The following UMAD1 variants were observed in gnomAD, a reference collection of about 807,000 sequenced individuals.
UMAD1 encodes UBAP1-MVB12-associated (UMA) domain containing 1.
In UMAD1, 8 loss-of-function variants were observed where a neutral mutation model predicts 6.1. The observed-to-expected ratio is 1.30, with a 90% CI of 0.76 to 2.35. The LOEUF (loss-of-function observed/expected upper bound fraction) is 2.35. UMAD1 is among the 30% of genes most tolerant of loss of function. The probability of loss-of-function intolerance (pLI) is 0.00; values close to 1 mark genes in which losing one functional copy is unlikely to be tolerated. For synonymous variants in UMAD1, 56 were observed against 31.4 expected, an observed-to-expected ratio of 1.78 and a Z score of -2.61; for missense variants, 130 against 78.4, an observed-to-expected ratio of 1.66 and a Z score of -2.49.
At chr7:7,862,230 A>G (rs1784129924) in intron 3 of UMAD1, among the ~76,000 whole-genome samples, 1 of 152,102 alleles carries the variant, frequency 6.6e-6, no homozygotes, top group African/African-American at 2.4e-5. Context: ...TTAGTATAAT[A>G]TATTTATATT....
chr7:7,669,457 T>G (rs980914157), intron 1 of UMAD1, among the ~76,000 whole-genome samples: 2 of 152,212 alleles, frequency 1.3e-5, no homozygotes, highest in Non-Finnish European at 2.9e-5. Context: ...CACTGTGTGT[T>G]TTTGAGTGAT....
chr7:7,678,489 TAA>T (rs1779808031), intron 2 of UMAD1, among the ~76,000 whole-genome samples: 1 of 140,968 alleles, frequency 7.1e-6, no homozygotes, highest in African/African-American at 2.6e-5. Flanking sequence ...AATTTATAGA[TAA>T]TATATATTTA....
intron 3 of UMAD1, among the ~76,000 whole-genome samples, chr7:7,865,024 A>G (rs1006410155): frequency 6.6e-5 from 10 of 151,766 alleles, no homozygotes; most frequent in Non-Finnish European, 1.2e-4. Context: ...GGAGCCCCAA[A>G]CTCCTTCCCC....
intron 1 of UMAD1, among the ~76,000 whole-genome samples, chr7:7,644,507 G>C (rs909962531): frequency 6.6e-6 from 1 of 152,026 alleles, no homozygotes; most frequent in African/African-American, 2.4e-5. Flanking sequence ...AAAATGTTTA[G>C]AGTTTTGCCT....
intron 2 of UMAD1, among the ~76,000 whole-genome samples, chr7:7,720,375 C>T (rs1230088151): frequency 6.6e-6 from 1 of 152,112 alleles, no homozygotes; most frequent in Non-Finnish European, 1.5e-5. Context: ...GCCTCTTCCC[C>T]ATCACTTCTG....
At chr7:7,738,797 G>A (rs964908472) in intron 2 of UMAD1, 4 of 152,276 alleles carry the variant, frequency 2.6e-5, no homozygotes, top group Non-Finnish European at 4.4e-5. Flanking sequence ...TAAAGTGCCA[G>A]TGTTTCTTTT....
chr7:7,824,339 C>A (rs1193482799), intron 3 of UMAD1, among the ~76,000 whole-genome samples: 1 of 152,168 alleles, frequency 6.6e-6, no homozygotes, highest in Non-Finnish European at 1.5e-5. Flanking sequence ...ATTCCCCCTT[C>A]TTTTACTTCT....
At chr7:7,806,380 C>A (rs1403361257) in intron 3 of UMAD1, among the ~76,000 whole-genome samples, 5 of 152,082 alleles carry the variant, frequency 3.3e-5, no homozygotes, top group Non-Finnish European at 7.3e-5. Flanking sequence ...ACCCCAATGT[C>A]CTCTTAATGC....
intron 2 of UMAD1, among the ~76,000 whole-genome samples, chr7:7,737,024 G>C (rs1397773345): frequency 6.6e-6 from 1 of 152,266 alleles, no homozygotes; most frequent in Non-Finnish European, 1.5e-5. Flanking sequence ...TGCTCTGAGA[G>C]GGGTTTTCCT....
At chr7:7,873,411 G>A (rs749333644) in intron 3 of UMAD1, among the ~76,000 whole-genome samples, 4 of 152,140 alleles carry the variant, frequency 2.6e-5, no homozygotes, top group Admixed American at 6.5e-5. Flanking sequence ...TAGAATGGTG[G>A]TGTCATTACT....
At chr7:7,732,446 T>A (rs1016382177) in intron 2 of UMAD1, among the ~76,000 whole-genome samples, 1 of 152,192 alleles carries the variant, frequency 6.6e-6, no homozygotes, top group African/African-American at 2.4e-5. Context: ...TGGGGTGTTT[T>A]AAAAATTTCC....
intron 3 of UMAD1, among the ~76,000 whole-genome samples, chr7:7,854,922 C>T (rs1783987615): frequency 6.6e-6 from 1 of 152,178 alleles, no homozygotes. Flanking sequence ...ATACTTGTCC[C>T]ACATGGGAGA....
At chr7:7,784,802 C>T (rs1398315912) in intron 2 of UMAD1, among the ~76,000 whole-genome samples, 3 of 143,046 alleles carry the variant, frequency 2.1e-5, no homozygotes, top group Non-Finnish European at 4.5e-5. Context: ...TGCTGTGTCG[C>T]CCAGGCTGGA....
intron 2 of UMAD1, among the ~76,000 whole-genome samples, chr7:7,717,969 GT>G (rs1444691678): frequency 2.7e-4 from 41 of 152,194 alleles, no homozygotes; most frequent in African/African-American, 8.9e-4. Flanking sequence ...TGTAGATTCT[GT>G]TTGTCATAGT....
intron 2 of UMAD1, among the ~76,000 whole-genome samples, chr7:7,756,933 T>A (rs1223082093): frequency 6.6e-6 from 1 of 152,216 alleles, no homozygotes; most frequent in Non-Finnish European, 1.5e-5. Context: ...TGCTACAGTG[T>A]GTGGTACCTG....
chr7:7,802,891 A>G (rs998167500), intron 3 of UMAD1, among the ~76,000 whole-genome samples: 2 of 152,176 alleles, frequency 1.3e-5, no homozygotes. Flanking sequence ...TTATATTTAT[A>G]TTTTTCACCG....
chr7:7,715,316 G>A (rs1780873326), intron 2 of UMAD1: 1 of 149,840 alleles, frequency 6.7e-6, no homozygotes, highest in South Asian at 2.1e-4. Context: ...TTGGTGAATA[G>A]TAGTAGCAGA....
intron 2 of UMAD1, among the ~76,000 whole-genome samples, chr7:7,723,977 A>T (rs1781095864): frequency 6.6e-6 from 1 of 152,212 alleles, no homozygotes. Context: ...AATTATAAAA[A>T]CAGAATCATG....
intron 2 of UMAD1, among the ~76,000 whole-genome samples, chr7:7,718,196 T>C (rs1489016822): frequency 6.6e-6 from 1 of 152,218 alleles, no homozygotes. Context: ...TTCCAAATAA[T>C]GTGTCAGCTG....
Sources: allele counts gnomAD v4.1 joint callset (sites outside exome capture counted in the v4.1 genomes callset), GRCh38; gene constraint gnomAD v4.1.1; transcripts MANE v1.5; gene names NCBI Gene and HGNC (gene_info 2026-07-23, HGNC 2026-07-21).